Variants in KCNT2 observed in about 807,000 individuals in gnomAD.
KCNT2 encodes the protein potassium channel subfamily T member 2.
KCNT2 carries 67 observed loss-of-function variants against 153.8 expected under a neutral mutation model. The ratio of observed to expected loss-of-function variants is 0.44; its 90% CI spans 0.36 to 0.53. The LOEUF (loss-of-function observed/expected upper bound fraction) is 0.53, where lower values mean the gene tolerates loss of function less well. Ranked by LOEUF, KCNT2 falls within the 20% of genes least tolerant of loss-of-function variation. The probability of loss-of-function intolerance (pLI) is 0.00; values close to 1 mark genes in which losing one functional copy is unlikely to be tolerated. For missense variants in KCNT2, 975 were observed against 1,354.8 expected, an observed-to-expected ratio of 0.72 and a Z score of 4.40; for synonymous variants, 500 against 458.8, an observed-to-expected ratio of 1.09 and a Z score of -1.15.
At chr1:196,599,775 A>T (rs1386640492) in intron 1 of KCNT2, among the ~76,000 whole-genome samples, 1 of 152,174 alleles carries the variant, frequency 6.6e-6, no homozygotes, top group Admixed American at 6.5e-5. Context: ...AAATACGTTC[A>T]ATCTAAGGCA....
intron 1 of KCNT2, among the ~76,000 whole-genome samples, chr1:196,526,305 A>T (rs916236163): frequency 6.6e-6 from 1 of 150,946 alleles, no homozygotes; most frequent in Admixed American, 6.6e-5. Flanking sequence ...AAATTATAAT[A>T]TATAAATCAT....
intron 25 of KCNT2, among the ~76,000 whole-genome samples, chr1:196,259,901 A>G (rs1393782171): frequency 1.3e-5 from 2 of 151,952 alleles, no homozygotes; most frequent in African/African-American, 4.8e-5. Context: ...TTTAACAATA[A>G]TGAACATTTT....
At chr1:196,290,445 C>T (rs1410367596) in intron 22 of KCNT2, among the ~76,000 whole-genome samples, 1 of 151,912 alleles carries the variant, frequency 6.6e-6, no homozygotes, top group Non-Finnish European at 1.5e-5. Flanking sequence ...TTTTAACCTT[C>T]CTTATGGCTC....
chr1:196,454,103 G>A (rs1302091016), intron 8 of KCNT2, among the ~76,000 whole-genome samples: 1 of 151,766 alleles, frequency 6.6e-6, no homozygotes, highest in Non-Finnish European at 1.5e-5. Context: ...AGTGGGTATA[G>A]GATTCTTGAT....
chr1:196,282,379 A>C, intron 23 of KCNT2, 23 bp from the exon 24 acceptor site: 1 of 1,228,878 alleles, frequency 8.1e-7, no homozygotes, highest in Non-Finnish European at 1.2e-6. Context: ...CAAACAAACA[A>C]TATATAAATG....
intron 3 of KCNT2, among the ~76,000 whole-genome samples, chr1:196,484,830 C>T (rs189111827): frequency 2.6e-3 from 400 of 152,070 alleles, no homozygotes; most frequent in Non-Finnish European, 4.5e-3. Context: ...GAATTAGGAA[C>T]GCTTTTACAC....
chr1:196,300,398 GA>G (rs955382013), intron 22 of KCNT2, among the ~76,000 whole-genome samples: 1 of 152,128 alleles, frequency 6.6e-6, no homozygotes, highest in African/African-American at 2.4e-5. Flanking sequence ...TGACATGTGA[GA>G]AAATAGCAGC....
intron 1 of KCNT2, among the ~76,000 whole-genome samples, chr1:196,493,327 C>CTTTT (rs1680000094): frequency 8.3e-6 from 1 of 120,700 alleles, no homozygotes; most frequent in South Asian, 2.6e-4. Context: ...GTTTGGGGGT[C>CTTTT]TTTTTTTTGG....
At chr1:196,377,633 G>C (rs1228955042) in intron 13 of KCNT2, among the ~76,000 whole-genome samples, 1 of 151,964 alleles carries the variant, frequency 6.6e-6, no homozygotes, top group Non-Finnish European at 1.5e-5. Context: ...CTGATCTGAG[G>C]TAAGAACTGA....
intron 13 of KCNT2, among the ~76,000 whole-genome samples, chr1:196,397,357 C>T (rs926610394): frequency 2.6e-5 from 4 of 151,472 alleles, no homozygotes; most frequent in Non-Finnish European, 5.9e-5. Context: ...TTGATGAATG[C>T]TAATGATATA....
At chr1:196,273,644 A>T (rs1215364373) in intron 25 of KCNT2, among the ~76,000 whole-genome samples, 4 of 151,826 alleles carry the variant, frequency 2.6e-5, no homozygotes, top group African/African-American at 9.7e-5. Flanking sequence ...TGGCTTTTGA[A>T]CAAAATTAGA....
At chr1:196,515,517 T>C (rs1215571717) in intron 1 of KCNT2, among the ~76,000 whole-genome samples, 1 of 152,146 alleles carries the variant, frequency 6.6e-6, no homozygotes, top group Non-Finnish European at 1.5e-5. Context: ...TAGGAAAAAG[T>C]TGATATGAAA....
intron 1 of KCNT2, among the ~76,000 whole-genome samples, chr1:196,506,257 G>A (rs1379891066): frequency 1.3e-5 from 2 of 152,062 alleles, no homozygotes; most frequent in African/African-American, 4.8e-5. Flanking sequence ...GATTGCTATA[G>A]AAATTTTAAA....
intron 1 of KCNT2, among the ~76,000 whole-genome samples, chr1:196,568,035 G>A (rs1220170875): frequency 6.6e-6 from 1 of 152,052 alleles, no homozygotes; most frequent in African/African-American, 2.4e-5. Context: ...ATCTCAACTG[G>A]GTTAAGTATC....
At chr1:196,456,077 A>G (rs1453989216) in intron 8 of KCNT2, among the ~76,000 whole-genome samples, 2 of 151,966 alleles carry the variant, frequency 1.3e-5, no homozygotes, top group South Asian at 2.1e-4. Flanking sequence ...AGTTTCCCCA[A>G]TGGCAAAAAA....
At chr1:196,535,033 T>C (rs2148857498) in intron 1 of KCNT2, among the ~76,000 whole-genome samples, 1 of 152,320 alleles carries the variant, frequency 6.6e-6, no homozygotes, top group South Asian at 2.1e-4. Context: ...AATTTCCCTT[T>C]TCATGCATAT....
At chr1:196,418,334 T>C (rs1444256557) in intron 12 of KCNT2, among the ~76,000 whole-genome samples, 2 of 151,726 alleles carry the variant, frequency 1.3e-5, no homozygotes, top group Non-Finnish European at 2.9e-5. Context: ...AAAATAAAAA[T>C]AAATAGACAA....
chr1:196,363,467 G>A (rs1372920603), intron 14 of KCNT2, among the ~76,000 whole-genome samples: 1 of 152,084 alleles, frequency 6.6e-6, no homozygotes, highest in Non-Finnish European at 1.5e-5. Flanking sequence ...GTGTTGCTAG[G>A]ATTTGAATAT....
chr1:196,572,430 G>T (rs767930508), intron 1 of KCNT2, among the ~76,000 whole-genome samples: 2 of 152,066 alleles, frequency 1.3e-5, no homozygotes, highest in Non-Finnish European at 2.9e-5. Flanking sequence ...ACACAAAAAG[G>T]AAACTTAGAT....
Sources: gnomAD v4.1 joint callset for allele counts (sites outside exome capture counted in the v4.1 genomes callset) on GRCh38, gnomAD v4.1.1 for gene constraint, MANE v1.5 for transcripts, NCBI Gene and HGNC (gene_info 2026-07-23, HGNC 2026-07-21) for gene names.